Variants in PTPRB observed in about 807,000 individuals in gnomAD.
PTPRB encodes the protein protein tyrosine phosphatase receptor type B.
In PTPRB, 97 loss-of-function variants were observed where a neutral mutation model predicts 238.1. The observed-to-expected ratio is 0.41, with a 90% CI of 0.35 to 0.48. PTPRB has a LOEUF of 0.48. Among genes scored for constraint, PTPRB ranks in the 20% least tolerant of loss-of-function variants. The pLI is 0.30. For missense variants in PTPRB, 2,292 were observed against 2,681.9 expected, an observed-to-expected ratio of 0.85 and a Z score of 3.21; for synonymous variants, 970 against 995.4, an observed-to-expected ratio of 0.97 and a Z score of 0.48.
Position 70,571,124 on chromosome 12 carries a change from T to G in PTPRB, c.3272A>C (p.Tyr1091Ser), listed in dbSNP as rs1879991294. 1.9e-6 allele frequency: 3 copies of G among 1,613,868 alleles called. No individual in the cohort carries two copies. The highest frequency in any genetic ancestry group is 2.5e-6 in the Non-Finnish European group (3 of 1,179,890). The change falls in exon 13 of 34, where the codon TAT (tyrosine) becomes TCT (serine). Residue 1091 changes from tyrosine (Y) to serine (S), a missense_variant. Around this residue, in one of 4 missense-constraint regions of PTPRB, gnomAD observed 683 missense variants for 862.0 expected, o/e 0.79. Coordinates refer to ENST00000334414, the MANE Select transcript of PTPRB (RefSeq NM_001109754.4). ...GCCTGGTGTTAGGGAAGTAAATCGA[T>G]ACTCGGTTGCGGTATTTACAAGGTG... ...PFHLVNTATE[Y>S]RFTSLTPGRQ...
At chr12:70,624,725 C>T (rs1321229024) in intron 2 of PTPRB, among the ~76,000 whole-genome samples, 1 of 152,014 alleles carries the variant, frequency 6.6e-6, no homozygotes, top group Admixed American at 6.6e-5. Flanking sequence ...AGCTCTTAGA[C>T]CCTCAAAAAA....
chr12:70,620,985 T>G (rs570398387), intron 3 of PTPRB, among the ~76,000 whole-genome samples: 1 of 152,310 alleles, frequency 6.6e-6, no homozygotes, highest in South Asian at 2.1e-4. Context: ...CTACTGTAAT[T>G]GTAACTTTAA....
At chr12:70,614,262 G>C (rs1021626142) in intron 3 of PTPRB, among the ~76,000 whole-genome samples, 2 of 152,078 alleles carry the variant, frequency 1.3e-5, no homozygotes, top group Non-Finnish European at 2.9e-5. Context: ...TCTGAACAAA[G>C]TCTCAGATTA....
intron 3 of PTPRB, among the ~76,000 whole-genome samples, chr12:70,617,898 C>A (rs1199594838): frequency 6.6e-6 from 1 of 152,170 alleles, no homozygotes; most frequent in Non-Finnish European, 1.5e-5. Context: ...AGTATCAGAA[C>A]CAGCCAGTAA....
chr12:70,600,403 G>A (rs1201110987), intron 4 of PTPRB, among the ~76,000 whole-genome samples: 1 of 152,176 alleles, frequency 6.6e-6, no homozygotes, highest in Non-Finnish European at 1.5e-5. Context: ...AGCTGTCCTA[G>A]TGTGGGAAAT....
At chr12:70,585,686 G>A (rs1047260455) in intron 9 of PTPRB, among the ~76,000 whole-genome samples, 28 of 151,882 alleles carry the variant, frequency 1.8e-4, no homozygotes, top group African/African-American at 6.3e-4. Flanking sequence ...TAGGGTACCT[G>A]TGCACAACAT....
chr12:70,624,341 A>G (rs1474277178), intron 2 of PTPRB, among the ~76,000 whole-genome samples: 1 of 152,058 alleles, frequency 6.6e-6, no homozygotes. Flanking sequence ...CATCTACTAG[A>G]TCTCGGCTTT....
rs756441631 is a variant in PTPRB at position 70,581,305 on chromosome 12, A to G, written c.2312-3T>C. On this transcript the variant is annotated splice_region_variant and splice_polypyrimidine_tract_variant and intron_variant, in intron 9 of 33. Transcript: ENST00000334414. ...CAAGTCAGTCACTTGGGCAGGCACTAAAACAGTAGACAGAAGAAAAAACAA... is the reference window on the plus strand; with the variant it reads ...CAAGTCAGTCACTTGGGCAGGCACTGAAACAGTAGACAGAAGAAAAAACAA... 1.2e-6 allele frequency: 2 copies of G among 1,606,270 alleles called. No individual in the cohort carries two copies. Among genetic ancestry groups the G allele is most frequent in the Admixed American group, 3.4e-5 (2 of 59,026 alleles).
chr12:70,600,269 G>A (rs1307250222), intron 4 of PTPRB, among the ~76,000 whole-genome samples: 1 of 152,098 alleles, frequency 6.6e-6, no homozygotes, highest in Non-Finnish European at 1.5e-5. Flanking sequence ...TCTACAACAT[G>A]CTTTCTCAGT....
At chr12:70,620,643 A>T (rs1280734552) in intron 3 of PTPRB, among the ~76,000 whole-genome samples, 1 of 152,184 alleles carries the variant, frequency 6.6e-6, no homozygotes, top group African/African-American at 2.4e-5. Context: ...TCCAAGAAAC[A>T]TTCATTTTCA....
At chr12:70,566,055 C>T (rs1879253577) in intron 15 of PTPRB, among the ~76,000 whole-genome samples, 1 of 152,140 alleles carries the variant, frequency 6.6e-6, no homozygotes, top group Admixed American at 6.5e-5. Context: ...TGGATTCTCC[C>T]TCTAAAGTGT....
At chr12:70,598,948 G>C (rs922020836) in intron 4 of PTPRB, among the ~76,000 whole-genome samples, 1 of 152,124 alleles carries the variant, frequency 6.6e-6, no homozygotes, top group South Asian at 2.1e-4. Flanking sequence ...ACATCCGCTA[G>C]AACAAAGGAA....
At chr12:70,606,024 G>A (rs768713358) in intron 4 of PTPRB, among the ~76,000 whole-genome samples, 4 of 152,164 alleles carry the variant, frequency 2.6e-5, no homozygotes, top group Admixed American at 6.6e-5. Flanking sequence ...TGCGTTGACC[G>A]TTTAATGACC....
chr12:70,516,116 TA>T lies in PTPRB; in HGVS notation c.*5372del. On this transcript the variant is annotated 3_prime_UTR_variant, in exon 34 of 34. Transcript: ENST00000334414. ...TTTTCAGAGAAATAATAAATGATAT[TA>T]AAAACATAAAAGTGCTCTATTATAG... The T allele has an allele frequency of 6.6e-6, 1 of 152,248 alleles. No individual in the cohort carries two copies. Among genetic ancestry groups the T allele is most frequent in the East Asian group, 1.9e-4 (1 of 5,182 alleles). 9.4% of individuals were successfully genotyped at this position (152,248 alleles called of 1,614,324 possible).
chr12:70,552,956 A>G lies in PTPRB; in HGVS notation c.5208T>C (p.Asn1736=), dbSNP rs2136300129. The G allele has an allele frequency of 6.2e-7, 1 of 1,613,906 alleles. No homozygotes were observed. Among genetic ancestry groups the G allele is most frequent in the Middle Eastern group, 1.6e-4 (1 of 6,062 alleles). The change falls in exon 21 of 34, where the codon AAT becomes AAC. Residue 1736 remains asparagine, a synonymous_variant. Transcript: ENST00000334414. Reference sequence around the variant, plus strand: ...TAGTCTGATACACCCGAATGGAGGCATTGTGCCTGTACTCCAGGTAGGAAG... The same window carrying G: ...TAGTCTGATACACCCGAATGGAGGCGTTGTGCCTGTACTCCAGGTAGGAAG... ...PLPSYLEYRH[N]ASIRVYQTNY...
chr12:70,586,054 A>G (rs962889215), intron 9 of PTPRB, among the ~76,000 whole-genome samples: 9 of 152,118 alleles, frequency 5.9e-5, no homozygotes, highest in African/African-American at 1.7e-4. Flanking sequence ...TCATTGATGG[A>G]CATTCGGGTT....
At position 70,594,488 on chromosome 12, in the gene PTPRB, T is replaced by A. The variant is rs367976582; in HGVS notation, c.1495A>T (p.Arg499Trp). 2.5e-6 allele frequency: 4 copies of A among 1,614,024 alleles called. No individual in the cohort carries two copies. The highest frequency in any genetic ancestry group is 3.4e-6 in the Non-Finnish European group (4 of 1,179,884). The stretch of plus-strand genomic sequence containing the variant: ...TTACCTGTCCTGACTAGTTTCCACC[T>A]GTAGTTTTGCAGCCCTGCAGCCTCA... Reference protein sequence around the residue: ...MTEAAGLQNYRWKLVRTAPME... With the variant: ...MTEAAGLQNYWWKLVRTAPME... Residue 499 changes from arginine to tryptophan, a missense_variant, in exon 6 of 34, where the codon AGG becomes TGG. Arg to Trp is a moderately radical substitution (Grantham distance 101). Coordinates refer to ENST00000334414, the MANE Select transcript of PTPRB (RefSeq NM_001109754.4).
intron 26 of PTPRB, 74 bp downstream of exon 26, chr12:70,539,551 G>T: frequency 1.7e-6 from 2 of 1,206,630 alleles, no homozygotes; most frequent in South Asian, 1.3e-5. Flanking sequence ...AGCCTATGAT[G>T]ACACAGTAAA....
chr12:70,539,809 A>T lies in PTPRB; in HGVS notation c.5696+18T>A. ...TCAAAGGCAGATAATATAGTAATTAATGTGTTCTCTCTCTTACCAAGAAGT... is the reference window on the plus strand; with the variant it reads ...TCAAAGGCAGATAATATAGTAATTATTGTGTTCTCTCTCTTACCAAGAAGT... On this transcript the variant is annotated intron_variant, in intron 25 of 33. Transcript: ENST00000334414. 2 of 1,598,194 alleles carry T rather than the reference A, an allele frequency of 1.3e-6. No homozygotes were observed. The highest frequency in any genetic ancestry group is 1.7e-6 in the Non-Finnish European group (2 of 1,165,550).
Sources: allele counts gnomAD v4.1 joint callset (sites outside exome capture counted in the v4.1 genomes callset), GRCh38; gene constraint gnomAD v4.1.1; regional missense constraint gnomAD v4.1.1; transcripts MANE v1.5; gene names NCBI Gene and HGNC (gene_info 2026-07-23, HGNC 2026-07-21).